The following FRMD4A variants were observed in gnomAD, a reference collection of about 807,000 sequenced individuals.
FRMD4A encodes FERM domain containing 4A, also known as FERM domain-containing protein 4A.
A neutral mutation model predicts 129.1 loss-of-function variants in FRMD4A; 29 were observed. The ratio of observed to expected loss-of-function variants is 0.22; its 90% CI spans 0.17 to 0.31. The LOEUF (loss-of-function observed/expected upper bound fraction) is 0.31. Ranked by LOEUF, FRMD4A falls within the 10% of genes least tolerant of loss-of-function variation. The pLI is 1.00. For synonymous variants in FRMD4A, 634 were observed against 571.6 expected (o/e 1.11, Z -1.56); for missense variants, 1,272 against 1,375.8 (o/e 0.92, Z 1.19).
At chr10:13,891,190 C>T (rs1159698601) in intron 2 of FRMD4A, among the ~76,000 whole-genome samples, 3 of 152,198 alleles carry the variant, frequency 2.0e-5, no homozygotes, top group African/African-American at 7.2e-5. Flanking sequence ...AGCAGTCCAT[C>T]TTAGCAGCCC....
At chr10:13,918,324 C>A (rs184528736) in intron 2 of FRMD4A, among the ~76,000 whole-genome samples, 1 of 152,184 alleles carries the variant, frequency 6.6e-6, no homozygotes, top group Admixed American at 6.5e-5. Context: ...TCTAAATGAC[C>A]CCCATCTTAG....
intron 21 of FRMD4A, among the ~76,000 whole-genome samples, 175 bp downstream of exon 21, chr10:13,659,148 T>A (rs2082424957): frequency 6.6e-6 from 1 of 152,082 alleles, no homozygotes; most frequent in Non-Finnish European, 1.5e-5. Flanking sequence ...TGTGCATGGG[T>A]CTCTTGGCTA....
At chr10:14,308,217 T>C (rs774123627) in intron 2 of FRMD4A, among the ~76,000 whole-genome samples, 21 of 152,222 alleles carry the variant, frequency 1.4e-4, no homozygotes, top group Non-Finnish European at 3.1e-4. Context: ...TATTGATTGA[T>C]ACCAACTGTA....
In FRMD4A at chr10:14,277,076, G is replaced by A. The variant is rs954728628; in HGVS notation, c.45+52982C>T. Among the ~76,000 whole-genome samples, 9 of 152,264 alleles carry A rather than the reference G, an allele frequency of 5.9e-5. No individual in the cohort carries two copies. In the South Asian group the frequency reaches 8.3e-4, roughly 14 times the overall value. Reference sequence around the variant, plus strand: ...GACGGGGTTTTGCCAACTTGCCCAGGCTGGTCTTGAACTCCTGGATTTGAG... The same window carrying A: ...GACGGGGTTTTGCCAACTTGCCCAGACTGGTCTTGAACTCCTGGATTTGAG... On this transcript the variant is annotated intron_variant, in intron 2 of 24. Transcript: ENST00000357447.
chr10:13,953,791 T>C lies in FRMD4A; in HGVS notation c.46-94879A>G, dbSNP rs113469954. 2.6e-3 allele frequency among the ~76,000 whole-genome samples: 391 copies of C among 152,322 alleles called. 1 individual carries two copies. Among genetic ancestry groups the C allele is most frequent in the Non-Finnish European group, 4.0e-3 (275 of 68,032 alleles). On this transcript the variant is annotated intron_variant, in intron 2 of 24. Coordinates refer to ENST00000357447, the MANE Select transcript of FRMD4A (RefSeq NM_018027.5). ...AACTTTATCCAAAGTAATGTATATA[T>C]AGTGTATATAGGGTTTGGTACTATT...
intron 15 of FRMD4A, among the ~76,000 whole-genome samples, chr10:13,691,594 G>A (rs981235990): frequency 6.6e-6 from 1 of 152,174 alleles, no homozygotes; most frequent in Non-Finnish European, 1.5e-5. Context: ...TGTTAGAGGT[G>A]TAAATTCTCA....
chr10:13,979,570 G>C (rs1043691288), intron 2 of FRMD4A, among the ~76,000 whole-genome samples: 1 of 152,178 alleles, frequency 6.6e-6, no homozygotes, highest in African/African-American at 2.4e-5. Context: ...GAGGTAAAAA[G>C]AGCTAAGAAC....
intron 5 of FRMD4A, among the ~76,000 whole-genome samples, chr10:13,793,261 T>C (rs1478919648): frequency 1.3e-5 from 2 of 151,778 alleles, no homozygotes; most frequent in African/African-American, 2.4e-5. Flanking sequence ...GATCTCTGCC[T>C]CCCTGGTTCA....
chr10:13,663,356 C>T, intron 19 of FRMD4A, 97 bp downstream of exon 19: 1 of 745,924 alleles, frequency 1.3e-6, no homozygotes, highest in South Asian at 1.6e-5. Flanking sequence ...TTTGGCCTGG[C>T]TCTTGCCTTT....
chr10:14,175,038 A>T (rs1297437966), intron 2 of FRMD4A, among the ~76,000 whole-genome samples: 1 of 152,202 alleles, frequency 6.6e-6, no homozygotes, highest in African/African-American at 2.4e-5. Flanking sequence ...GCAAAGACCT[A>T]GGTCAGAGCA....
chr10:14,060,172 T>C (rs1588889264), intron 2 of FRMD4A, among the ~76,000 whole-genome samples: 1 of 152,216 alleles, frequency 6.6e-6, no homozygotes, highest in African/African-American at 2.4e-5. Flanking sequence ...ATACTTTCCA[T>C]TTTCTGTAGT....
intron 2 of FRMD4A, among the ~76,000 whole-genome samples, chr10:14,198,551 G>C (rs1423783476): frequency 2.6e-5 from 4 of 152,144 alleles, no homozygotes; most frequent in Admixed American, 6.5e-5. Flanking sequence ...CTGATTCCCT[G>C]GATCCTTGAG....
At chr10:13,757,466 G>A (rs576641835) in intron 8 of FRMD4A, among the ~76,000 whole-genome samples, 21 of 152,312 alleles carry the variant, frequency 1.4e-4, no homozygotes, top group African/African-American at 4.3e-4. Flanking sequence ...TATGGCAGGC[G>A]ATACTAATCA....
rs2457843 is a variant in FRMD4A, at chr10:14,038,306, A to G, written c.46-179394T>C. On this transcript the variant is annotated intron_variant, in intron 2 of 24. Transcript: ENST00000357447. ...CCACTGCACTCCAGCCTGGGCGACA[A>G]AGCGAGACTCCGTCTCAAAATAAAT... is the stretch of plus-strand genomic sequence containing the variant. Among the ~76,000 whole-genome samples, 1,506 of 152,338 alleles carry G rather than the reference A, an allele frequency of 9.9e-3. 29 individuals are homozygous for G. Among genetic ancestry groups the G allele is most frequent in the African/African-American group, 0.032 (1,338 of 41,574 alleles).
intron 20 of FRMD4A, 72 bp downstream of exon 20, chr10:13,660,244 T>C (rs2134669075): frequency 1.0e-6 from 1 of 980,770 alleles, no homozygotes. Flanking sequence ...TGGATGCTAC[T>C]TGGGACGGCC....
At chr10:13,960,519 G>A (rs753476004) in intron 2 of FRMD4A, among the ~76,000 whole-genome samples, 3 of 152,148 alleles carry the variant, frequency 2.0e-5, no homozygotes, top group African/African-American at 7.2e-5. Context: ...TCATTCCTGA[G>A]GATAACACTA....
At chr10:14,322,192 G>A (rs1197038447) in intron 2 of FRMD4A, among the ~76,000 whole-genome samples, 2 of 152,122 alleles carry the variant, frequency 1.3e-5, no homozygotes, top group African/African-American at 4.8e-5. Context: ...CTAAGGCAGG[G>A]GACGTGAGTA....
intron 2 of FRMD4A, among the ~76,000 whole-genome samples, chr10:14,085,749 G>A (rs372013637): frequency 5.3e-5 from 8 of 152,202 alleles, no homozygotes; most frequent in South Asian, 2.1e-4. Flanking sequence ...GTGGAGTCAC[G>A]ATTTTGGGGC....
rs1464752778 is a variant in FRMD4A at position 13,993,284 on chromosome 10, G to A, written c.46-134372C>T. On this transcript the variant is annotated intron_variant, in intron 2 of 24. Coordinates refer to ENST00000357447, the MANE Select transcript of FRMD4A (RefSeq NM_018027.5). ...TCGTGGTGAGATCCAGAGTTCCTCA[G>A]GGTTTAGCCAACGTTTCCATCAGAA... is the stretch of plus-strand genomic sequence containing the variant. 3.9e-5 allele frequency among the ~76,000 whole-genome samples: 6 copies of A among 152,298 alleles called. No individual in the cohort carries two copies. The East Asian group carries it at 1.2e-3, about 29-fold the overall frequency.
Sources: allele counts gnomAD v4.1 joint callset (sites outside exome capture counted in the v4.1 genomes callset), GRCh38; gene constraint gnomAD v4.1.1; transcripts MANE v1.5; gene names NCBI Gene and HGNC (gene_info 2026-07-23, HGNC 2026-07-21).